The following TMEFF1 variants were observed in gnomAD, a reference collection of about 807,000 sequenced individuals.
TMEFF1 encodes tomoregulin-1.
Under a neutral mutation model 47.5 loss-of-function variants are expected in TMEFF1, and 20 were observed. That is an observed-to-expected ratio of 0.42 (90% CI 0.30 to 0.61). TMEFF1 has a LOEUF of 0.61. Ranked by LOEUF, TMEFF1 falls within the 20% of genes least tolerant of loss-of-function variation. The pLI is 0.19. For missense variants in TMEFF1, 411 were observed against 471.1 expected, an observed-to-expected ratio of 0.87 and a Z score of 1.18; for synonymous variants, 162 against 166.3, an observed-to-expected ratio of 0.97 and a Z score of 0.20.
intron 5 of TMEFF1, among the ~76,000 whole-genome samples, chr9:100,519,604 A>G (rs983063720): frequency 7.1e-6 from 1 of 140,114 alleles, no homozygotes; most frequent in African/African-American, 2.6e-5. Flanking sequence ...CCCGGAAGGA[A>G]TGTTATCTTC....
At chr9:100,522,511 C>T (rs1298918781) in intron 5 of TMEFF1, among the ~76,000 whole-genome samples, 1 of 134,010 alleles carries the variant, frequency 7.5e-6, no homozygotes, top group East Asian at 2.1e-4. Flanking sequence ...AATCTTGGCT[C>T]ACTGCAACTT....
intron 3 of TMEFF1, among the ~76,000 whole-genome samples, chr9:100,512,729 G>A (rs575104017): frequency 6.6e-6 from 1 of 152,322 alleles, no homozygotes; most frequent in African/African-American, 2.4e-5. Flanking sequence ...AGTCAGGTAA[G>A]TCCTTCGGAT....
intron 8 of TMEFF1, among the ~76,000 whole-genome samples, chr9:100,572,082 T>A (rs1839249547): frequency 6.6e-6 from 1 of 152,094 alleles, no homozygotes; most frequent in African/African-American, 2.4e-5. Context: ...GACCAATATC[T>A]GTCCATGGCC....
intron 8 of TMEFF1, among the ~76,000 whole-genome samples, chr9:100,566,513 CT>C (rs1433717610): frequency 6.6e-6 from 1 of 152,168 alleles, no homozygotes; most frequent in Non-Finnish European, 1.5e-5. Flanking sequence ...TCTCTGACTT[CT>C]CTTTCGTATC....
chr9:100,486,312 G>A (rs1465377873), intron 1 of TMEFF1, among the ~76,000 whole-genome samples: 1 of 152,024 alleles, frequency 6.6e-6, no homozygotes, highest in Non-Finnish European at 1.5e-5. Flanking sequence ...ACGTGATCTC[G>A]GCTTACTGCA....
intron 2 of TMEFF1, among the ~76,000 whole-genome samples, chr9:100,499,300 C>T (rs754355872): frequency 1.3e-5 from 2 of 152,048 alleles, no homozygotes; most frequent in African/African-American, 2.4e-5. Context: ...CTTGGAGACT[C>T]GGGGTAAGTC....
At chr9:100,564,570 G>A (rs886086126) in intron 8 of TMEFF1, among the ~76,000 whole-genome samples, 6 of 152,162 alleles carry the variant, frequency 3.9e-5, no homozygotes, top group Admixed American at 2.0e-4. Flanking sequence ...TACATGAGGC[G>A]ATTTGGGACT....
rs144863736 is a variant in TMEFF1 at position 100,488,978 on chromosome 9, A to G, written c.197-9787A>G. ...ACAATTCAGTGGTTTTCGTACATTT[A>G]CTATATTGTGCAGTGATCATCACTA... On this transcript the variant is annotated intron_variant, in intron 1 of 9. Coordinates refer to ENST00000374879, the MANE Select transcript of TMEFF1 (RefSeq NM_003692.5). Among the ~76,000 whole-genome samples the G allele has an allele frequency of 2.6e-3, 401 of 152,266 alleles. 2 individuals are homozygous for G. Among genetic ancestry groups the G allele is most frequent in the South Asian group, 0.018 (88 of 4,822 alleles).
At chr9:100,494,996 G>T (rs1837625127) in intron 1 of TMEFF1, among the ~76,000 whole-genome samples, 1 of 151,932 alleles carries the variant, frequency 6.6e-6, no homozygotes, top group Non-Finnish European at 1.5e-5. Context: ...GATATTGAAG[G>T]TTTAAGAAAC....
At chr9:100,546,201 C>A (rs2118504708) in intron 5 of TMEFF1, among the ~76,000 whole-genome samples, 1 of 152,164 alleles carries the variant, frequency 6.6e-6, no homozygotes, top group South Asian at 2.1e-4. Context: ...CGAGACTGGG[C>A]AAAAGAAAGA....
intron 1 of TMEFF1, among the ~76,000 whole-genome samples, chr9:100,496,797 CTTG>C (rs1457563147): frequency 2.0e-5 from 3 of 152,126 alleles, no homozygotes; most frequent in Admixed American, 2.0e-4. Flanking sequence ...TTTACTTATT[CTTG>C]TTTTTTATGT....
chr9:100,562,649 G>A (rs868365430), intron 8 of TMEFF1, among the ~76,000 whole-genome samples: 1 of 142,726 alleles, frequency 7.0e-6, no homozygotes, highest in Non-Finnish European at 1.6e-5. Flanking sequence ...GTTTTGTTTT[G>A]TTTTGTTTTG....
At chr9:100,487,985 A>G (rs1837483249) in intron 1 of TMEFF1, among the ~76,000 whole-genome samples, 1 of 151,428 alleles carries the variant, frequency 6.6e-6, no homozygotes, top group Non-Finnish European at 1.5e-5. Context: ...GTAGATTTTC[A>G]TCTTTGTGGG....
intron 8 of TMEFF1, among the ~76,000 whole-genome samples, chr9:100,568,746 T>C (rs1201448231): frequency 6.6e-6 from 1 of 152,200 alleles, no homozygotes; most frequent in Non-Finnish European, 1.5e-5. Context: ...TCTCTAGCTC[T>C]AGGCATCCGC....
In TMEFF1 at chr9:100,508,996, CT is replaced by C. The variant is rs751814020; in HGVS notation, c.307-5del. On this transcript the variant is annotated splice_region_variant and splice_polypyrimidine_tract_variant and intron_variant, in intron 2 of 9. Transcript: ENST00000374879. Reference sequence around the variant, plus strand: ...TAGTTCTGAGAATTTATTTTTGTTGCTTTTGCAGTGCCATACAAATTATATT... The same window carrying C: ...TAGTTCTGAGAATTTATTTTTGTTGCTTTGCAGTGCCATACAAATTATATT... 1 of 1,559,774 alleles carries C rather than the reference CT, an allele frequency of 6.4e-7. No homozygotes were observed. The highest frequency in any genetic ancestry group is 1.2e-5 in the South Asian group (1 of 80,718).
rs868516293 is a variant in TMEFF1 at position 100,528,353 on chromosome 9, G to C, written c.560+11582G>C. 1.8e-3 allele frequency among the ~76,000 whole-genome samples: 272 copies of C among 148,166 alleles called. 4 individuals carry two copies. Among genetic ancestry groups the C allele is most frequent in the Middle Eastern group, 0.01 (3 of 292 alleles). On this transcript the variant is annotated intron_variant, in intron 5 of 9. Transcript: ENST00000374879. ...AGTTGAAAACTTTGAAAAAAATTTA[G>C]AAGAATGTATAACTAGAATAACCAA... is the stretch of plus-strand genomic sequence containing the variant.
intron 7 of TMEFF1, 137 bp downstream of exon 7, chr9:100,550,297 T>A: frequency 1.5e-6 from 1 of 669,888 alleles, no homozygotes; most frequent in Non-Finnish European, 2.2e-6. Context: ...AGTTAATTAT[T>A]AGTATTAATA....
chr9:100,565,926 C>T (rs1304008252), intron 8 of TMEFF1, among the ~76,000 whole-genome samples: 1 of 152,146 alleles, frequency 6.6e-6, no homozygotes, highest in Non-Finnish European at 1.5e-5. Flanking sequence ...CCTCACTTCC[C>T]ATTTCTCTTG....
intron 3 of TMEFF1, among the ~76,000 whole-genome samples, chr9:100,511,740 A>G (rs925753559): frequency 6.6e-6 from 1 of 152,066 alleles, no homozygotes; most frequent in African/African-American, 2.4e-5. Context: ...TATTTCATTC[A>G]TCTGACATAA....
Sources: gnomAD v4.1 joint callset for allele counts (sites outside exome capture counted in the v4.1 genomes callset) on GRCh38, gnomAD v4.1.1 for gene constraint, MANE v1.5 for transcripts, NCBI Gene and HGNC (gene_info 2026-07-23, HGNC 2026-07-21) for gene names.